The following RAB11FIP3 variants were observed in gnomAD, a reference collection of about 807,000 sequenced individuals.
The protein encoded by RAB11FIP3 is rab11 family-interacting protein 3.
In RAB11FIP3, 17 loss-of-function variants were observed where a neutral mutation model predicts 77.8. The ratio of observed to expected loss-of-function variants is 0.22; its 90% CI spans 0.15 to 0.33. RAB11FIP3 has a LOEUF of 0.33. RAB11FIP3 is among the 10% of genes least tolerant of loss of function. RAB11FIP3 has a pLI of 1.00. For synonymous variants in RAB11FIP3, 437 were observed against 448.2 expected (o/e 0.98, Z 0.31); for missense variants, 1,005 against 1,011.2 (o/e 0.99, Z 0.08).
rs1381213207 is a variant in RAB11FIP3 at position 506,720 on chromosome 16, ATTT to A, written c.1499+1095_1499+1097del. On this transcript the variant is annotated intron_variant, in intron 8 of 13. Coordinates refer to ENST00000262305, the MANE Select transcript of RAB11FIP3 (RefSeq NM_014700.4). This position sits in a 1 kb window ranked among gnomAD's most constrained non-coding sequence, Gnocchi z 4.5. ...GGATTGTGGGCATAACTTGCACATCATTTTAATTCTAACAAAGCAAAGCATGTG... is the reference window on the plus strand; with the variant it reads ...GGATTGTGGGCATAACTTGCACATCATAATTCTAACAAAGCAAAGCATGTG... Among the ~76,000 whole-genome samples, 5 of 152,218 alleles carry A rather than the reference ATTT, an allele frequency of 3.3e-5. No homozygotes were observed. The highest frequency in any genetic ancestry group is 9.6e-5 in the African/African-American group (4 of 41,462).
At chr16:480,286 C>CAAGAAAAAGAAAAAAAA (rs2056010519) in intron 3 of RAB11FIP3, among the ~76,000 whole-genome samples, 1 of 80,024 alleles carries the variant, frequency 1.2e-5, no homozygotes, top group African/African-American at 4.8e-5. Flanking sequence ...ACTCCTTCTC[C>CAAGAAAAAGAAAAAAAA]AAAAAAAAAA....
At chr16:427,501 C>T (rs960084762) in intron 1 of RAB11FIP3, among the ~76,000 whole-genome samples, 1 of 152,148 alleles carries the variant, frequency 6.6e-6, no homozygotes, top group Non-Finnish European at 1.5e-5. Flanking sequence ...AAAGGTGGGC[C>T]CCAAGATGCA....
Position 471,807 on chromosome 16 carries a change from G to T in RAB11FIP3, c.903+418G>T, listed in dbSNP as rs1052343006. ...CACCCTGCTCCCAGATGCAGCCAGGGTTGTCATGGTGACGTGGCGTCTCCT... is the reference window on the plus strand; with the variant it reads ...CACCCTGCTCCCAGATGCAGCCAGGTTTGTCATGGTGACGTGGCGTCTCCT... On this transcript the variant is annotated intron_variant, in intron 3 of 13. Coordinates refer to ENST00000262305, the MANE Select transcript of RAB11FIP3 (RefSeq NM_014700.4). The surrounding 1 kb of genome is among the most constrained non-coding windows in gnomAD (Gnocchi z 4.4). Among the ~76,000 whole-genome samples, 2 of 152,174 alleles carry T rather than the reference G, an allele frequency of 1.3e-5. No individual in the cohort carries two copies. The highest frequency in any genetic ancestry group is 2.9e-5 in the Non-Finnish European group (2 of 68,018).
chr16:455,927 A>G (rs528173939), intron 1 of RAB11FIP3, among the ~76,000 whole-genome samples: 98 of 152,278 alleles, frequency 6.4e-4, no homozygotes, highest in African/African-American at 2.3e-3. Context: ...GTGCATCTCA[A>G]ATATTTTATT....
chr16:426,062 C>A lies in RAB11FIP3; in HGVS notation c.56C>A (p.Pro19Gln). 1.0e-6 allele frequency: 1 copy of A among 999,698 alleles called. No individual in the cohort carries two copies. Among genetic ancestry groups the A allele is most frequent in the Non-Finnish European group, 1.2e-6 (1 of 840,898 alleles). 61.9% of individuals were successfully genotyped at this position (999,698 alleles called of 1,614,324 possible). A position where few individuals can be genotyped will look rare whatever the true frequency, so the allele number is the denominator to read the frequency against. Residue 19 changes from proline to glutamine, a missense_variant, in exon 1 of 14, where the codon CCG (proline) becomes CAG (glutamine). Around this residue, in one of 4 missense-constraint regions of RAB11FIP3, gnomAD observed 466 missense variants for 408.3 expected, o/e 1.14. Transcript: ENST00000262305. The surrounding 1 kb of genome is among the most constrained non-coding windows in gnomAD (Gnocchi z 5.0). ...PPGSEPPGPD[P>Q]EPGGPDGPGA... ...GGCTCGGAGCCGCCGGGGCCCGACC[C>A]GGAGCCGGGCGGGCCGGACGGGCCG...
At position 508,658 on chromosome 16, in the gene RAB11FIP3, G is replaced by A. The variant is rs1349230626; in HGVS notation, c.1500-2002G>A. Among the ~76,000 whole-genome samples, 4 of 152,316 alleles carry A rather than the reference G, an allele frequency of 2.6e-5. No homozygotes were observed. The East Asian group carries it at 7.7e-4, about 29-fold the overall frequency. ...CAAAGTGCTGGGATTACAGGCATGAGCCACCGCGCCTGGCCTAGGTTTTCA... is the reference window on the plus strand; with the variant it reads ...CAAAGTGCTGGGATTACAGGCATGAACCACCGCGCCTGGCCTAGGTTTTCA... On this transcript the variant is annotated intron_variant, in intron 8 of 13. Coordinates refer to ENST00000262305, the MANE Select transcript of RAB11FIP3 (RefSeq NM_014700.4).
intron 9 of RAB11FIP3, among the ~76,000 whole-genome samples, chr16:515,218 G>C (rs1026770582): frequency 6.6e-6 from 1 of 152,178 alleles, no homozygotes; most frequent in African/African-American, 2.4e-5. Context: ...AAATTCAATA[G>C]AATTAAAACA....
At chr16:497,601 A>G (rs2031241457) in intron 6 of RAB11FIP3, among the ~76,000 whole-genome samples, 1 of 151,980 alleles carries the variant, frequency 6.6e-6, no homozygotes, top group African/African-American at 2.4e-5. Context: ...GGCGTTCTCC[A>G]GGCCTCGTGG....
At chr16:451,570 C>T (rs2055408959) in intron 1 of RAB11FIP3, 1 of 152,296 alleles carries the variant, frequency 6.6e-6, no homozygotes, top group African/African-American at 2.4e-5. Flanking sequence ...CATGGTGGCT[C>T]ACACCTGTAA....
chr16:445,252 G>A (rs1452065157), intron 1 of RAB11FIP3, among the ~76,000 whole-genome samples: 5 of 150,436 alleles, frequency 3.3e-5, no homozygotes, highest in Non-Finnish European at 7.4e-5. Context: ...GGCCAACATG[G>A]TGAAACCCCG....
chr16:477,611 G>C, intron 3 of RAB11FIP3: 1 of 985,416 alleles, frequency 1.0e-6, no homozygotes, highest in Non-Finnish European at 1.2e-6. Flanking sequence ...TCCTGAGTGG[G>C]CCCTGGGCCC....
Position 484,386 on chromosome 16 carries a change from C to G in RAB11FIP3, c.1115+1650C>G, listed in dbSNP as rs564606843. Among the ~76,000 whole-genome samples the G allele has an allele frequency of 6.6e-5, 10 of 151,772 alleles. No individual in the cohort carries two copies. The South Asian group carries it at 2.1e-3, about 31-fold the overall frequency. ...TTTTTTTTTGAGACGGAGTCTCGCT[C>G]TGTCGCCCAGGCTGGAGTGCAGTGG... is the stretch of plus-strand genomic sequence containing the variant. On this transcript the variant is annotated intron_variant, in intron 4 of 13. Coordinates refer to ENST00000262305, the MANE Select transcript of RAB11FIP3 (RefSeq NM_014700.4).
At chr16:463,430 GTTTTTTTTT>G (rs142875972) in intron 2 of RAB11FIP3, among the ~76,000 whole-genome samples, 1,549 of 82,326 alleles carry the variant, frequency 0.019, 44 homozygotes, top group African/African-American at 0.07. Context: ...TTGTTCCCCG[GTTTTTTTTT>G]TTTTTTTTTT....
chr16:441,384 A>G (rs1156948146), intron 1 of RAB11FIP3, among the ~76,000 whole-genome samples: 1 of 152,186 alleles, frequency 6.6e-6, no homozygotes, highest in Non-Finnish European at 1.5e-5. Context: ...AGCAGGGGAC[A>G]TGAGGTCTTC....
chr16:454,386 G>T (rs932221554), intron 1 of RAB11FIP3, among the ~76,000 whole-genome samples: 1 of 152,118 alleles, frequency 6.6e-6, no homozygotes, highest in African/African-American at 2.4e-5. Context: ...AGACCAGCCT[G>T]AGCAACATAG....
chr16:467,641 G>A (rs528573883), intron 2 of RAB11FIP3, among the ~76,000 whole-genome samples: 12 of 120,006 alleles, frequency 1.0e-4, no homozygotes, highest in Non-Finnish European at 2.1e-4. Context: ...GGGGCCTCAG[G>A]GAGGAGGTGC....
intron 1 of RAB11FIP3, among the ~76,000 whole-genome samples, chr16:427,678 T>G (rs1266272500): frequency 6.6e-6 from 1 of 152,242 alleles, no homozygotes; most frequent in Non-Finnish European, 1.5e-5. Context: ...TTTTTGTATT[T>G]TGACTTCTCA....
intron 1 of RAB11FIP3, among the ~76,000 whole-genome samples, chr16:444,828 A>G (rs1247445553): frequency 6.7e-6 from 1 of 149,844 alleles, no homozygotes; most frequent in African/African-American, 2.5e-5. Flanking sequence ...ATTAAAAAAG[A>G]CTGGAGCCTG....
Position 482,612 on chromosome 16 carries a change from C to G in RAB11FIP3, c.991C>G (p.Leu331Val), listed in dbSNP as rs1246971896. 1.2e-6 allele frequency: 2 copies of G among 1,613,566 alleles called. No homozygotes were observed. Among genetic ancestry groups the G allele is most frequent in the African/African-American group, 1.3e-5 (1 of 75,070 alleles). Residue 331 changes from leucine to valine, a missense_variant, in exon 4 of 14, where the codon CTG becomes GTG. Coordinates refer to ENST00000262305, the MANE Select transcript of RAB11FIP3 (RefSeq NM_014700.4). Reference sequence around the variant, plus strand: ...CTTCACGGACGAGGACACCAGCACCCTGGTGCACCCTGAGCTGCAACCTGA... The same window carrying G: ...CTTCACGGACGAGGACACCAGCACCGTGGTGCACCCTGAGCTGCAACCTGA... ...ETFTDEDTST[L>V]VHPELQPEGD...
Sources: allele counts gnomAD v4.1 joint callset (sites outside exome capture counted in the v4.1 genomes callset), GRCh38; gene constraint gnomAD v4.1.1; regional missense constraint gnomAD v4.1.1; non-coding constraint Gnocchi (gnomAD v3.1); transcripts MANE v1.5; gene names NCBI Gene and HGNC (gene_info 2026-07-23, HGNC 2026-07-21).